SSH2: variants seen among roughly 807,000 people sequenced by gnomAD.
SSH2 encodes slingshot protein phosphatase 2, also known as protein phosphatase Slingshot homolog 2.
In SSH2, 37 loss-of-function variants were observed where a neutral mutation model predicts 135.2. The ratio of observed to expected loss-of-function variants is 0.27; its 90% CI spans 0.21 to 0.36. The LOEUF (loss-of-function observed/expected upper bound fraction) is 0.36, where lower values mean the gene tolerates loss of function less well. SSH2 is among the 10% of genes least tolerant of loss of function. The pLI is 1.00. For synonymous variants in SSH2, 628 were observed against 646.2 expected (o/e 0.97, Z 0.43); for missense variants, 1,408 against 1,765.3 (o/e 0.80, Z 3.63).
At chr17:29,681,591 G>A (rs2037993748) in intron 6 of SSH2, among the ~76,000 whole-genome samples, 1 of 151,318 alleles carries the variant, frequency 6.6e-6, no homozygotes, top group South Asian at 2.1e-4. Flanking sequence ...AAAAAACCAT[G>A]AAGCTCTATT....
At position 29,729,451 on chromosome 17, in the gene SSH2, C is replaced by T. The variant is rs923874034; in HGVS notation, c.189-26389G>A. Among the ~76,000 whole-genome samples, 3 of 152,126 alleles carry T rather than the reference C, an allele frequency of 2.0e-5. No individual in the cohort carries two copies. The East Asian group carries it at 5.8e-4, about 29-fold the overall frequency. On this transcript the variant is annotated intron_variant, in intron 3 of 15. Transcript: ENST00000540801. ...CATATGCTGTTGGTAGGTGTGTAAA[C>T]TAGTACAACCACTATGGAGAACAGT...
Position 29,632,358 on chromosome 17 carries a change from G to A in SSH2, c.2836C>T (p.Pro946Ser), listed in dbSNP as rs373694045. ...TCCTTGAGGACAAATGAATGTTCTG[G>A]GGGGGCTTCATCACTTTTCCCTTTT... ...APKGKSDEAP[P>S]EHSFVLKEPE... is the part of the protein sequence containing the mutation. Residue 946 changes from proline (P) to serine (S), a missense_variant, in exon 16 of 16, where the codon CCA becomes TCA. Physicochemically the swap from Pro to Ser is moderately conservative, Grantham distance 74 (BLOSUM62 -1). This residue lies in a region of SSH2 where 1,080 missense variants were observed against 1,144.5 expected (regional missense o/e 0.94). Transcript: ENST00000540801. 3 of 1,613,940 alleles carry A rather than the reference G, an allele frequency of 1.9e-6. No individual in the cohort carries two copies. Among genetic ancestry groups the A allele is most frequent in the South Asian group, 1.1e-5 (1 of 91,080 alleles).
chr17:29,888,931 C>CAAAAAAAAAAAAAAAAAAAAAAAAAAAA lies in SSH2; in HGVS notation c.64-40003_64-40002insTTTTTTTTTTTTTTTTTTTTTTTTTTTT, dbSNP rs1175371440. On this transcript the variant is annotated intron_variant, in intron 1 of 15. Coordinates refer to ENST00000540801, the MANE Select transcript of SSH2 (RefSeq NM_001282129.2). Reference sequence around the variant, plus strand: ...TAGGTGAAAGAGTGAGACACTATCTCAAAAAAAAAAAAAAAAAAAAAAAAA... The same window carrying CAAAAAAAAAAAAAAAAAAAAAAAAAAAA: ...TAGGTGAAAGAGTGAGACACTATCTCAAAAAAAAAAAAAAAAAAAAAAAAAAAAAAAAAAAAAAAAAAAAAAAAAAAAA... Among the ~76,000 whole-genome samples the CAAAAAAAAAAAAAAAAAAAAAAAAAAAA allele has an allele frequency of 9.5e-5, 4 of 42,082 alleles. 1 individual carries two copies. The highest frequency in any genetic ancestry group is 2.4e-4 in the African/African-American group (2 of 8,186). The allele number at this position is 42,082 out of a possible 152,430, so 27.6% of individuals were successfully genotyped here.
chr17:29,813,185 C>T (rs541801721), intron 2 of SSH2, among the ~76,000 whole-genome samples: 1 of 151,732 alleles, frequency 6.6e-6, no homozygotes, highest in African/African-American at 2.4e-5. Flanking sequence ...GAGTTCAAGA[C>T]CAGCTTGGCC....
At chr17:29,913,355 TATATATA>T (rs2066816931) in intron 1 of SSH2, among the ~76,000 whole-genome samples, 1 of 41,694 alleles carries the variant, frequency 2.4e-5, no homozygotes, top group Non-Finnish European at 4.6e-5. Context: ...AAAATATATA[TATATATA>T]TATATATATA....
At chr17:29,824,019 A>T (rs2042701146) in intron 2 of SSH2, among the ~76,000 whole-genome samples, 1 of 152,154 alleles carries the variant, frequency 6.6e-6, no homozygotes, top group Non-Finnish European at 1.5e-5. Flanking sequence ...CTTAAATTAC[A>T]AATACAAATA....
intron 1 of SSH2, among the ~76,000 whole-genome samples, chr17:29,897,917 T>C (rs369775011): frequency 6.6e-6 from 1 of 152,052 alleles, no homozygotes; most frequent in East Asian, 1.9e-4. Flanking sequence ...ATAGAAATTA[T>C]AACAAACTAT....
chr17:29,660,047 C>T (rs1445305514), intron 11 of SSH2, among the ~76,000 whole-genome samples: 1 of 151,356 alleles, frequency 6.6e-6, no homozygotes, highest in Non-Finnish European at 1.5e-5. Flanking sequence ...CCAGGATGGT[C>T]TCAATTTCCT....
At chr17:29,684,254 G>A (rs549550636) in intron 6 of SSH2, among the ~76,000 whole-genome samples, 45 of 152,270 alleles carry the variant, frequency 3.0e-4, no homozygotes, top group Non-Finnish European at 5.9e-4. Context: ...GGCTGAGGTG[G>A]GTGGATCACT....
chr17:29,913,317 CAAAAAAAAAAAAAAA>C (rs1207663146), intron 1 of SSH2, among the ~76,000 whole-genome samples: 1 of 3,428 alleles, frequency 2.9e-4, no homozygotes, highest in Non-Finnish European at 5.6e-4. Context: ...GACGCCATCT[CAAAAAAAAAAAAAAA>C]AAAAAAAAAA....
In SSH2 at chr17:29,920,516, C is replaced by T. The variant is rs9894154; in HGVS notation, c.63+9422G>A. 6.5e-3 allele frequency among the ~76,000 whole-genome samples: 996 copies of T among 152,214 alleles called. 6 individuals carry two copies. Among genetic ancestry groups the T allele is most frequent in the African/African-American group, 0.023 (955 of 41,514 alleles). ...TGGAACTTCTATGGAACACCTTATA[C>T]CTGAATTAAGTATTTGGGAATTTAG... On this transcript the variant is annotated intron_variant, in intron 1 of 15. Transcript: ENST00000540801.
chr17:29,830,331 C>G (rs2042823700), intron 2 of SSH2, among the ~76,000 whole-genome samples: 1 of 152,106 alleles, frequency 6.6e-6, no homozygotes, highest in Admixed American at 6.6e-5. Flanking sequence ...CTAACTTTTC[C>G]CTGGTTGACT....
At chr17:29,880,827 G>A (rs953335979) in intron 1 of SSH2, among the ~76,000 whole-genome samples, 1 of 152,110 alleles carries the variant, frequency 6.6e-6, no homozygotes, top group African/African-American at 2.4e-5. Flanking sequence ...TTTTGTGTAG[G>A]ACATTTTATA....
At chr17:29,795,300 A>G (rs1473604409) in intron 2 of SSH2, among the ~76,000 whole-genome samples, 1 of 152,260 alleles carries the variant, frequency 6.6e-6, no homozygotes, top group African/African-American at 2.4e-5. Context: ...GAGAAAAAAC[A>G]ATAACTACTA....
Position 29,854,202 on chromosome 17 carries a change from C to T in SSH2, c.64-5273G>A, listed in dbSNP as rs541509368. 4.6e-5 allele frequency among the ~76,000 whole-genome samples: 7 copies of T among 152,022 alleles called. No homozygotes were observed. In the South Asian group the frequency reaches 8.3e-4, roughly 18 times the overall value. ...TCATATTCCCTACATAACCTGGAAG[C>T]AACTGAGCTCACAATGAGTCATTCA... is the stretch of plus-strand genomic sequence containing the variant. On this transcript the variant is annotated intron_variant, in intron 1 of 15. Transcript: ENST00000540801.
At chr17:29,641,893 G>C (rs113257976) in intron 14 of SSH2, among the ~76,000 whole-genome samples, 6 of 151,054 alleles carry the variant, frequency 4.0e-5, no homozygotes, top group South Asian at 2.1e-4. Flanking sequence ...CACTCCTAGA[G>C]CCTAGGAGTT....
chr17:29,770,193 G>A (rs947850893), intron 3 of SSH2, among the ~76,000 whole-genome samples: 1 of 146,410 alleles, frequency 6.8e-6, no homozygotes, highest in Non-Finnish European at 1.5e-5. Context: ...TCTGCCTCCT[G>A]GGTTCAAAAG....
In SSH2 at chr17:29,666,765, G is replaced by A. The variant is rs1435277048; in HGVS notation, c.1032+102C>T. On this transcript the variant is annotated intron_variant, in intron 11 of 15. Transcript: ENST00000540801. ...CTTATCACTTTTGTCTTTAAAGTAA[G>A]TTACATTTTATTTATGTATAATAAA... is the stretch of plus-strand genomic sequence containing the variant. 14 of 1,131,760 alleles carry A rather than the reference G, an allele frequency of 1.2e-5. No homozygotes were observed. In the South Asian group the frequency reaches 1.3e-4, roughly 10 times the overall value. 70.1% of individuals were successfully genotyped at this position (1,131,760 alleles called of 1,614,324 possible).
intron 3 of SSH2, among the ~76,000 whole-genome samples, chr17:29,767,806 T>TAGG (rs1431097900): frequency 6.6e-6 from 1 of 152,166 alleles, no homozygotes; most frequent in African/African-American, 2.4e-5. Flanking sequence ...GTCCTTTACT[T>TAGG]ATGGGCATTT....
Sources: gnomAD v4.1 joint callset for allele counts (sites outside exome capture counted in the v4.1 genomes callset) on GRCh38, gnomAD v4.1.1 for gene constraint, gnomAD v4.1.1 regional missense constraint, MANE v1.5 for transcripts, NCBI Gene and HGNC (gene_info 2026-07-23, HGNC 2026-07-21) for gene names.